The following CADPS variants were observed in gnomAD, a reference collection of about 807,000 sequenced individuals.
CADPS encodes calcium-dependent secretion activator 1.
In CADPS, 57 loss-of-function variants were observed where a neutral mutation model predicts 167.3. That is an observed-to-expected ratio of 0.34 (90% CI 0.28 to 0.42). The LOEUF (loss-of-function observed/expected upper bound fraction) is 0.42. CADPS is among the 20% of genes least tolerant of loss of function. The pLI is 1.00. For missense variants in CADPS, 1,414 were observed against 1,738.1 expected (o/e 0.81, Z 3.32); for synonymous variants, 676 against 635.3 (o/e 1.06, Z -0.96).
intron 9 of CADPS, among the ~76,000 whole-genome samples, chr3:62,563,085 C>G (rs919676052): frequency 6.6e-6 from 1 of 152,122 alleles, no homozygotes; most frequent in Non-Finnish European, 1.5e-5. Flanking sequence ...TGACAGAAGA[C>G]CCTCCAGCTA....
Position 62,532,913 on chromosome 3 carries a change from T to A in CADPS, c.2249A>T (p.His750Leu). 6.2e-7 allele frequency: 1 copy of A among 1,613,630 alleles called. No individual in the cohort carries two copies. The highest frequency in any genetic ancestry group is 8.5e-7 in the Non-Finnish European group (1 of 1,179,784). Residue 750 changes from histidine (H) to leucine (L), a missense_variant, in exon 13 of 30, where the codon CAC becomes CTC. By Grantham distance (99) the His-to-Leu change is moderately conservative. Around this residue, in one of 6 missense-constraint regions of CADPS, gnomAD observed 529 missense variants for 629.6 expected, o/e 0.84. Coordinates refer to ENST00000383710, the MANE Select transcript of CADPS (RefSeq NM_003716.4). The part of the protein sequence containing the change: ...NGAMIDPTLL[H>L]YSFAFCASHV... ...GGATGCACAGAAGGCAAAGCTGTAGTGAAGAAGGGTGGGGTCGATCATGGC... is the reference window on the plus strand; with the variant it reads ...GGATGCACAGAAGGCAAAGCTGTAGAGAAGAAGGGTGGGGTCGATCATGGC...
At chr3:62,852,622 C>A (rs2078859153) in intron 1 of CADPS, among the ~76,000 whole-genome samples, 1 of 151,726 alleles carries the variant, frequency 6.6e-6, no homozygotes, top group Non-Finnish European at 1.5e-5. Context: ...AAAAAGCTGG[C>A]CCAGGTGGTC....
chr3:62,648,513 C>T (rs1324130442), intron 5 of CADPS, among the ~76,000 whole-genome samples: 1 of 151,588 alleles, frequency 6.6e-6, no homozygotes, highest in Non-Finnish European at 1.5e-5. Context: ...AAAACCCCAT[C>T]TCTACAAAAA....
intron 7 of CADPS, among the ~76,000 whole-genome samples, chr3:62,586,148 T>A (rs2084579266): frequency 6.6e-6 from 1 of 152,204 alleles, no homozygotes; most frequent in Non-Finnish European, 1.5e-5. Context: ...ATTGAATATT[T>A]GGAAAATCCT....
At chr3:62,503,722 T>C (rs2151378270) in intron 17 of CADPS, among the ~76,000 whole-genome samples, 1 of 152,348 alleles carries the variant, frequency 6.6e-6, no homozygotes, top group Admixed American at 6.5e-5. Context: ...ATATGTTACT[T>C]GCTATTCCAA....
chr3:62,749,794 GA>G (rs1276842202), intron 3 of CADPS, among the ~76,000 whole-genome samples: 2 of 152,166 alleles, frequency 1.3e-5, no homozygotes, highest in African/African-American at 4.8e-5. Context: ...GACTTCATAT[GA>G]AAGCTGCTGT....
At chr3:62,516,373 G>A (rs763321435) in intron 15 of CADPS, among the ~76,000 whole-genome samples, 191 bp from the exon 16 acceptor site, 4 of 152,162 alleles carry the variant, frequency 2.6e-5, no homozygotes, top group Non-Finnish European at 4.4e-5. Flanking sequence ...GAAGGGCTAG[G>A]AACATATCTT....
chr3:62,723,813 C>T (rs2076255900), intron 3 of CADPS, among the ~76,000 whole-genome samples: 1 of 152,216 alleles, frequency 6.6e-6, no homozygotes, highest in South Asian at 2.1e-4. Flanking sequence ...TTGCTGGCTT[C>T]CTCTCCTGCC....
rs1561923275 is a variant in CADPS at position 62,544,341 on chromosome 3, C to T, written c.1966+5562G>A. Among the ~76,000 whole-genome samples, 1 of 152,042 alleles carries T rather than the reference C, an allele frequency of 6.6e-6. No individual in the cohort carries two copies. The highest frequency in any genetic ancestry group is 2.4e-5 in the African/African-American group (1 of 41,398). ...TTGCTCAGTTAACAACTCTGGGTTT[C>T]CTACCCCACTTATTTTTTAAGGTAT... On this transcript the variant is annotated intron_variant, in intron 11 of 29. Coordinates refer to ENST00000383710, the MANE Select transcript of CADPS (RefSeq NM_003716.4). This position sits in a 1 kb window ranked among gnomAD's most constrained non-coding sequence, Gnocchi z 4.4.
At chr3:62,852,604 G>GAAAA (rs368586358) in intron 1 of CADPS, among the ~76,000 whole-genome samples, 4 of 138,642 alleles carry the variant, frequency 2.9e-5, no homozygotes, top group East Asian at 2.1e-4. Context: ...ATCAAAAAAA[G>GAAAA]AAAAAAAAAA....
At chr3:62,653,834 G>A (rs758961048) in intron 4 of CADPS, among the ~76,000 whole-genome samples, 4 of 151,902 alleles carry the variant, frequency 2.6e-5, no homozygotes, top group South Asian at 2.1e-4. Flanking sequence ...AATCCACTCC[G>A]CAACGTCACA....
chr3:62,629,294 C>T (rs1042164203), intron 6 of CADPS, among the ~76,000 whole-genome samples: 11 of 152,266 alleles, frequency 7.2e-5, no homozygotes, highest in African/African-American at 2.6e-4. Context: ...ACACTCCCAC[C>T]CACAATCCTA....
At chr3:62,581,449 T>TAAAAA (rs549450552) in intron 8 of CADPS, among the ~76,000 whole-genome samples, 3 of 121,518 alleles carry the variant, frequency 2.5e-5, no homozygotes, top group Non-Finnish European at 1.8e-5. Context: ...GTTAGAAAAT[T>TAAAAA]AAAAAAAAAA....
At chr3:62,657,048 T>C (rs951391368) in intron 4 of CADPS, among the ~76,000 whole-genome samples, 18 of 152,208 alleles carry the variant, frequency 1.2e-4, no homozygotes, top group Non-Finnish European at 2.1e-4. Context: ...TGGACACTTA[T>C]GTTACTTCAT....
At chr3:62,498,524 T>C (rs772808466) in intron 18 of CADPS, among the ~76,000 whole-genome samples, 1 of 152,134 alleles carries the variant, frequency 6.6e-6, no homozygotes, top group Non-Finnish European at 1.5e-5. Context: ...TAAGTCCTTA[T>C]AGGTTTGGGA....
chr3:62,736,003 T>A (rs773902835), intron 3 of CADPS, among the ~76,000 whole-genome samples: 1 of 152,180 alleles, frequency 6.6e-6, no homozygotes, highest in Non-Finnish European at 1.5e-5. Flanking sequence ...CTGATACAAC[T>A]GATCTCCCTG....
chr3:62,423,229 C>T (rs1442851377), intron 28 of CADPS, among the ~76,000 whole-genome samples: 1 of 152,188 alleles, frequency 6.6e-6, no homozygotes, highest in Non-Finnish European at 1.5e-5. Flanking sequence ...ATTCATAGAG[C>T]TTGAGTCCAG....
chr3:62,488,777 A>G (rs1019901290), intron 21 of CADPS, among the ~76,000 whole-genome samples: 1 of 152,110 alleles, frequency 6.6e-6, no homozygotes, highest in African/African-American at 2.4e-5. Flanking sequence ...AGTGTGAACA[A>G]CCACACCCAG....
chr3:62,466,637 T>C (rs988420661), intron 24 of CADPS: 14 of 577,690 alleles, frequency 2.4e-5, no homozygotes, highest in Non-Finnish European at 4.0e-5. Context: ...TACTCAAGGC[T>C]TTCGATGCTT....
Sources: allele counts gnomAD v4.1 joint callset (sites outside exome capture counted in the v4.1 genomes callset), GRCh38; gene constraint gnomAD v4.1.1; regional missense constraint gnomAD v4.1.1; non-coding constraint Gnocchi (gnomAD v3.1); transcripts MANE v1.5; gene names NCBI Gene and HGNC (gene_info 2026-07-23, HGNC 2026-07-21).